The following MEIOSIN variants were observed in gnomAD, a reference collection of about 807,000 sequenced individuals.
The protein encoded by MEIOSIN is meiosis initiator protein.
A neutral mutation model predicts 23.4 loss-of-function variants in MEIOSIN; 18 were observed. The observed-to-expected ratio is 0.77, with a 90% CI of 0.53 to 1.14. The LOEUF is 1.14. MEIOSIN is among the 50% of genes most tolerant of loss of function. MEIOSIN has a pLI of 0.00. For missense variants in MEIOSIN, 428 were observed against 242.9 expected (o/e 1.76, Z -5.07); for synonymous variants, 187 against 100.6 (o/e 1.86, Z -5.14).
intron 11 of MEIOSIN, among the ~76,000 whole-genome samples, chr19:45,760,259 G>C (rs1011377146): frequency 4.6e-5 from 7 of 152,112 alleles, no homozygotes; most frequent in Non-Finnish European, 7.4e-5. Flanking sequence ...CCTGAGATCA[G>C]GAGTTCAAGA....
chr19:45,753,499 G>A (rs767525098), intron 5 of MEIOSIN, among the ~76,000 whole-genome samples, 152 bp from the exon 6 acceptor site: 5 of 152,166 alleles, frequency 3.3e-5, no homozygotes, highest in Non-Finnish European at 5.9e-5. Flanking sequence ...CTGACTGAGC[G>A]GCCTTGGATA....
chr19:45,759,824 T>C (rs1968904506), intron 11 of MEIOSIN, among the ~76,000 whole-genome samples: 1 of 152,112 alleles, frequency 6.6e-6, no homozygotes, highest in African/African-American at 2.4e-5. Context: ...TTATTTAGAC[T>C]GAGTTTCCCT....
chr19:45,752,921 T>TC (rs200621097), intron 5 of MEIOSIN, among the ~76,000 whole-genome samples: 174 of 138,282 alleles, frequency 1.3e-3, no homozygotes, highest in East Asian at 2.6e-3. Flanking sequence ...TTCTTCTTCT[T>TC]TTTTTTTTTT....
intron 3 of MEIOSIN, among the ~76,000 whole-genome samples, chr19:45,742,106 C>A (rs1968516238): frequency 6.6e-6 from 1 of 152,064 alleles, no homozygotes; most frequent in Admixed American, 6.6e-5. Context: ...GAACTCCTGA[C>A]CTCAGGTGAT....
intron 11 of MEIOSIN, among the ~76,000 whole-genome samples, chr19:45,760,114 T>C (rs1192418370): frequency 6.6e-6 from 1 of 151,220 alleles, no homozygotes; most frequent in Non-Finnish European, 1.5e-5. Flanking sequence ...CACATCATTT[T>C]ACAACTACTC....
intron 11 of MEIOSIN, 122 bp from the exon 12 acceptor site, chr19:45,761,557 A>G: frequency 3.5e-6 from 2 of 565,180 alleles, no homozygotes; most frequent in South Asian, 4.2e-5. Context: ...GGCGTAAGCC[A>G]CCACACCCTG....
intron 8 of MEIOSIN, 89 bp downstream of exon 8, chr19:45,756,167 C>G: frequency 3.0e-6 from 2 of 662,678 alleles, no homozygotes; most frequent in Non-Finnish European, 5.5e-6. Flanking sequence ...GGCCAAGTCA[C>G]GTCCTCTGCG....
intron 4 of MEIOSIN, among the ~76,000 whole-genome samples, chr19:45,749,804 A>G (rs1600382757): frequency 6.6e-6 from 1 of 151,136 alleles, no homozygotes; most frequent in Admixed American, 6.6e-5. Flanking sequence ...GGAGTTCGTG[A>G]CCAGCCTAGC....
chr19:45,748,769 C>T (rs1267796557), intron 4 of MEIOSIN, among the ~76,000 whole-genome samples: 1 of 152,092 alleles, frequency 6.6e-6, no homozygotes, highest in African/African-American at 2.4e-5. Context: ...AGATAATAAG[C>T]TTAAAAAGAC....
chr19:45,736,311 T>A (rs1325698069), intron 2 of MEIOSIN, among the ~76,000 whole-genome samples: 1 of 152,148 alleles, frequency 6.6e-6, no homozygotes, highest in Non-Finnish European at 1.5e-5. Context: ...CTTCCCAAAG[T>A]GCTGGAATTA....
chr19:45,763,482 C>T (rs77216131), intron 14 of MEIOSIN, 55 bp downstream of exon 14: 4,947 of 398,462 alleles, frequency 0.012, 34 homozygotes, highest in Non-Finnish European at 0.016. Context: ...CTCCCTACCC[C>T]GGAACCCTGC....
chr19:45,747,046 A>T (rs1234862245), intron 4 of MEIOSIN, among the ~76,000 whole-genome samples: 2 of 152,150 alleles, frequency 1.3e-5, no homozygotes, highest in East Asian at 3.9e-4. Flanking sequence ...GCCAGAGATG[A>T]CTATGACACA....
chr19:45,748,063 A>G (rs1181557674), intron 4 of MEIOSIN, among the ~76,000 whole-genome samples: 2 of 151,870 alleles, frequency 1.3e-5, no homozygotes. Flanking sequence ...CAGCCTGAGC[A>G]ACAGAGTAAG....
At position 45,764,192 on chromosome 19, in the gene MEIOSIN, G is replaced by A. The variant is rs146697960; in HGVS notation, c.*74G>A. 5.0e-3 allele frequency: 1,999 copies of A among 398,528 alleles called. 8 individuals are homozygous for A. The highest frequency in any genetic ancestry group is 7.3e-3 in the Admixed American group (165 of 22,740). The allele number at this position is 398,528 out of a possible 1,614,324, so 24.7% of individuals were successfully genotyped here. ...CTCTTGCTGGAAGCCAGGACCCATC[G>A]ATGAACTTGTCCCTCCTGGGCCTCC... On this transcript the variant is annotated 3_prime_UTR_variant, in exon 15 of 15. Coordinates refer to ENST00000457052, the MANE Select transcript of MEIOSIN (RefSeq NM_001310124.2).
In MEIOSIN at chr19:45,757,226, C is replaced by T; in HGVS notation, c.961C>T (p.Leu321=). Residue 321 remains leucine (L), a synonymous_variant, in exon 9 of 15, where the codon CTA becomes TTA. Coordinates refer to ENST00000457052, the MANE Select transcript of MEIOSIN (RefSeq NM_001310124.2). ...CAGCGAGGATGTGGACAAAGGGTCC[C>T]TAGACGCTGACCCTTGGCTCCCTGC... ...DSSEDVDKGS[L]DADPWLPAWT... 4.3e-6 allele frequency: 3 copies of T among 702,984 alleles called. No individual in the cohort carries two copies. The allele number at this position is 702,984 out of a possible 1,614,324, so 43.5% of individuals were successfully genotyped here. A position where few individuals can be genotyped will look rare whatever the true frequency, so the allele number is the denominator to read the frequency against.
At chr19:45,736,971 C>T (rs536065092) in intron 2 of MEIOSIN, among the ~76,000 whole-genome samples, 23 of 151,160 alleles carry the variant, frequency 1.5e-4, no homozygotes, top group African/African-American at 4.4e-4. Context: ...CGGGTTCAAG[C>T]GATTCTCCTG....
At chr19:45,759,202 C>T (rs1208097694) in intron 10 of MEIOSIN, among the ~76,000 whole-genome samples, 169 bp downstream of exon 10, 1 of 152,218 alleles carries the variant, frequency 6.6e-6, no homozygotes, top group Non-Finnish European at 1.5e-5. Flanking sequence ...GCATGGGTGG[C>T]TTTAGAAGCC....
At chr19:45,763,067 G>GTC (rs1397063418) in intron 13 of MEIOSIN, among the ~76,000 whole-genome samples, 2 of 152,278 alleles carry the variant, frequency 1.3e-5, no homozygotes, top group African/African-American at 4.8e-5. Context: ...GGGATGGGGA[G>GTC]GCCCCCCCCA....
intron 8 of MEIOSIN, 56 bp downstream of exon 8, chr19:45,756,134 G>T: frequency 1.4e-6 from 1 of 696,002 alleles, no homozygotes; most frequent in Non-Finnish European, 2.6e-6. Context: ...GGTCTGGCGT[G>T]GGTGAGGGGT....
Sources: gnomAD v4.1 joint callset for allele counts (sites outside exome capture counted in the v4.1 genomes callset) on GRCh38, gnomAD v4.1.1 for gene constraint, MANE v1.5 for transcripts, NCBI Gene and HGNC (gene_info 2026-07-23, HGNC 2026-07-21) for gene names.